CCDC60: variants seen among roughly 807,000 people sequenced by gnomAD.
CCDC60 encodes the protein coiled-coil domain-containing protein 60.
Under a neutral mutation model 63.5 loss-of-function variants are expected in CCDC60, and 54 were observed. The ratio of observed to expected loss-of-function variants is 0.85; its 90% CI spans 0.68 to 1.07. CCDC60 has a LOEUF of 1.07. Among genes scored for constraint, CCDC60 ranks in the 50% least tolerant of loss-of-function variants. CCDC60 has a pLI of 0.00. For missense variants in CCDC60, 651 were observed against 684.3 expected, an observed-to-expected ratio of 0.95 and a Z score of 0.54; for synonymous variants, 206 against 238.8, an observed-to-expected ratio of 0.86 and a Z score of 1.27.
At chr12:119,425,739 AAG>A (rs1454946133) in intron 1 of CCDC60, among the ~76,000 whole-genome samples, 2 of 152,196 alleles carry the variant, frequency 1.3e-5, no homozygotes, top group Admixed American at 6.5e-5. Flanking sequence ...TCAGTAAGGA[AAG>A]AGAACATCTC....
At chr12:119,538,012 C>G (rs975369858) in intron 13 of CCDC60, among the ~76,000 whole-genome samples, 5 of 152,234 alleles carry the variant, frequency 3.3e-5, no homozygotes, top group African/African-American at 1.2e-4. Flanking sequence ...CAGCTATGCC[C>G]TGCCCCCAGA....
intron 13 of CCDC60, among the ~76,000 whole-genome samples, chr12:119,532,813 A>G (rs1952893415): frequency 6.6e-6 from 1 of 152,200 alleles, no homozygotes; most frequent in South Asian, 2.1e-4. Flanking sequence ...TATCCAGTCT[A>G]TCATTGATGG....
intron 1 of CCDC60, among the ~76,000 whole-genome samples, chr12:119,423,887 C>T (rs1240271047): frequency 6.6e-6 from 1 of 152,182 alleles, no homozygotes. Flanking sequence ...TCATTCCAGA[C>T]TCTTAGATGA....
In CCDC60 at chr12:119,488,662, C is replaced by G. The variant is rs976469188; in HGVS notation, c.450-97C>G. 9.1e-6 allele frequency: 9 copies of G among 992,316 alleles called. No individual in the cohort carries two copies. The Admixed American group carries it at 1.7e-4, about 19-fold the overall frequency. 61.5% of individuals were successfully genotyped at this position (992,316 alleles called of 1,614,324 possible). ...GCCTGGAGCATGGTGCCTGCTCCCT[C>G]ACTGGGAGCAAGTACCACTACTATT... is the stretch of plus-strand genomic sequence containing the variant. On this transcript the variant is annotated intron_variant, in intron 4 of 13. Transcript: ENST00000327554.
chr12:119,455,845 G>A (rs73217294), intron 2 of CCDC60, among the ~76,000 whole-genome samples: 19,102 of 142,052 alleles, frequency 0.13, 1,444 homozygotes, highest in East Asian at 0.29. Flanking sequence ...GAAGAAGGAA[G>A]GAAGGAAGAA....
rs185900528 is a variant in CCDC60 at position 119,472,437 on chromosome 12, C to G, written c.341+273C>G. On this transcript the variant is annotated intron_variant, in intron 3 of 13. Transcript: ENST00000327554. The stretch of plus-strand genomic sequence containing the variant: ...ATTTCAGTCCAACCACCTCCTGCAC[C>G]CATTTGCACTCCAGGTCCCCATAAT... Among the ~76,000 whole-genome samples the G allele has an allele frequency of 7.2e-5, 11 of 152,238 alleles. No individual in the cohort carries two copies. In the East Asian group the frequency reaches 2.1e-3, roughly 29 times the overall value.
rs1285404219 is a variant in CCDC60, at chr12:119,334,896, C to T, written c.-281C>T. 2 of 313,956 alleles carry T rather than the reference C, an allele frequency of 6.4e-6. No homozygotes were observed. The highest frequency in any genetic ancestry group is 1.5e-4 in the South Asian group (1 of 6,476). The allele number at this position is 313,956 out of a possible 1,614,324, so 19.4% of individuals were successfully genotyped here. A position where few individuals can be genotyped will look rare whatever the true frequency, so the allele number is the denominator to read the frequency against. ...TTATAGAAGAGAAAGATATCCCTTC[C>T]GAAGAGGAGGAAGCTTACAGAAGTT... On this transcript the variant is annotated 5_prime_UTR_variant, in exon 1 of 14. Coordinates refer to ENST00000327554, the MANE Select transcript of CCDC60 (RefSeq NM_178499.5).
rs140527681 is a variant in CCDC60 at position 119,498,068 on chromosome 12, T to C, written c.558-2010T>C. On this transcript the variant is annotated intron_variant, in intron 5 of 13. Coordinates refer to ENST00000327554, the MANE Select transcript of CCDC60 (RefSeq NM_178499.5). ...TGTGCATTTCTTGTGTGGTGGCTGTTCGCTGGTAGATCTTCAGCAAAGTCC... is the reference window on the plus strand; with the variant it reads ...TGTGCATTTCTTGTGTGGTGGCTGTCCGCTGGTAGATCTTCAGCAAAGTCC... Among the ~76,000 whole-genome samples the C allele has an allele frequency of 2.0e-5, 3 of 152,322 alleles. No individual in the cohort carries two copies. In the East Asian group the frequency reaches 5.8e-4, roughly 29 times the overall value.
chr12:119,519,467 A>ATTTT (rs60025828), intron 8 of CCDC60, among the ~76,000 whole-genome samples: 18 of 95,282 alleles, frequency 1.9e-4, no homozygotes, highest in African/African-American at 6.3e-4. Flanking sequence ...ATATATATAT[A>ATTTT]TTTTTTTTTT....
intron 4 of CCDC60, among the ~76,000 whole-genome samples, chr12:119,480,450 T>C (rs570739785): frequency 1.7e-4 from 26 of 152,292 alleles, no homozygotes; most frequent in African/African-American, 4.6e-4. Flanking sequence ...TTCCTATACT[T>C]GAAGAGTAAA....
At chr12:119,373,372 G>A (rs1443211751) in intron 1 of CCDC60, among the ~76,000 whole-genome samples, 1 of 152,118 alleles carries the variant, frequency 6.6e-6, no homozygotes, top group Non-Finnish European at 1.5e-5. Flanking sequence ...GCAGCTATGT[G>A]ACTCTGAGCC....
intron 3 of CCDC60, among the ~76,000 whole-genome samples, chr12:119,478,087 G>T (rs539155361): frequency 1.3e-5 from 2 of 152,172 alleles, no homozygotes; most frequent in Admixed American, 6.5e-5. Flanking sequence ...GCCAAGGCAG[G>T]TGGATCACTT....
intron 6 of CCDC60, among the ~76,000 whole-genome samples, chr12:119,504,428 A>G (rs529133297): frequency 2.4e-4 from 36 of 152,226 alleles, no homozygotes; most frequent in Admixed American, 3.9e-4. Context: ...TCCTTCCAGA[A>G]CTTATCATCC....
At chr12:119,524,721 C>CTTTTTTTTTTTTTTTTT (rs55694840) in intron 11 of CCDC60, among the ~76,000 whole-genome samples, 1,012 of 98,646 alleles carry the variant, frequency 0.01, 33 homozygotes, top group Admixed American at 0.014. Flanking sequence ...CTTTTCTTTT[C>CTTTTTTTTTTTTTTTTT]TTTTTTTTTT....
chr12:119,479,183 C>T lies in CCDC60; in HGVS notation c.431C>T (p.Ser144Leu), dbSNP rs1421370261. 7.4e-6 allele frequency: 12 copies of T among 1,613,636 alleles called. No homozygotes were observed. Among genetic ancestry groups the T allele is most frequent in the South Asian group, 1.1e-5 (1 of 91,080 alleles). Reference sequence around the variant, plus strand: ...ATCCACAGCTGCATCATTTCTCCCTCGCTAACCGAGGCTCACGTGTAAGTA... The same window carrying T: ...ATCCACAGCTGCATCATTTCTCCCTTGCTAACCGAGGCTCACGTGTAAGTA... The part of the protein sequence containing the change: ...TPIHSCIISP[S>L]LTEAHVEPLF... The change falls in exon 4 of 14, where the codon TCG becomes TTG. Residue 144 changes from serine (S) to leucine (L), a missense_variant. Physicochemically the swap from Ser to Leu is moderately radical, Grantham distance 145. Transcript: ENST00000327554.
At chr12:119,520,971 T>A (rs568271573) in intron 9 of CCDC60, among the ~76,000 whole-genome samples, 1 of 152,176 alleles carries the variant, frequency 6.6e-6, no homozygotes, top group Non-Finnish European at 1.5e-5. Flanking sequence ...GGTTATAAAC[T>A]TTTATGTGCC....
At chr12:119,402,286 C>T (rs955098555) in intron 1 of CCDC60, 1 of 152,208 alleles carries the variant, frequency 6.6e-6, no homozygotes, top group African/African-American at 2.4e-5. Flanking sequence ...GACTCCAAAT[C>T]CCATACCCTG....
chr12:119,540,330 G>GA (rs1464612578), intron 13 of CCDC60, among the ~76,000 whole-genome samples: 1 of 152,170 alleles, frequency 6.6e-6, no homozygotes, highest in Non-Finnish European at 1.5e-5. Flanking sequence ...AGAAAAGAAA[G>GA]AAAAATGCAG....
At chr12:119,373,221 T>C (rs1955915764) in intron 1 of CCDC60, among the ~76,000 whole-genome samples, 1 of 152,176 alleles carries the variant, frequency 6.6e-6, no homozygotes, top group African/African-American at 2.4e-5. Flanking sequence ...GCTCAGAATA[T>C]AACTCCAATT....
Sources: allele counts gnomAD v4.1 joint callset (sites outside exome capture counted in the v4.1 genomes callset), GRCh38; gene constraint gnomAD v4.1.1; transcripts MANE v1.5; gene names NCBI Gene and HGNC (gene_info 2026-07-23, HGNC 2026-07-21).